Variants in NFIA observed in about 807,000 individuals in gnomAD.
NFIA encodes nuclear factor 1 A-type.
A neutral mutation model predicts 62.8 loss-of-function variants in NFIA; 8 were observed. The ratio of observed to expected loss-of-function variants is 0.13; its 90% CI spans 0.07 to 0.23. The LOEUF (loss-of-function observed/expected upper bound fraction) is 0.23, where lower values mean the gene tolerates loss of function less well. Ranked by LOEUF, NFIA falls within the 10% of genes least tolerant of loss-of-function variation. The pLI, the probability that NFIA is intolerant of heterozygous loss-of-function variation, is 1.00. For synonymous variants in NFIA, 235 were observed against 238.1 expected, an observed-to-expected ratio of 0.99 and a Z score of 0.12; for missense variants, 410 against 642.1, an observed-to-expected ratio of 0.64 and a Z score of 3.91.
chr1:61,079,044 C>T (rs1356526077), upstream of NFIA, among the ~76,000 whole-genome samples: 1 of 152,224 alleles, frequency 6.6e-6, no homozygotes, highest in African/African-American at 2.4e-5. Context: ...TCCCATCGAG[C>T]TATTTCCCAA....
intron 9 of NFIA, among the ~76,000 whole-genome samples, chr1:61,422,241 C>T (rs780524859): frequency 2.6e-5 from 4 of 152,120 alleles, no homozygotes; most frequent in Non-Finnish European, 2.9e-5. Flanking sequence ...CCAGCCTGGG[C>T]GACAGAGCCA....
intron 2 of NFIA, among the ~76,000 whole-genome samples, chr1:61,168,593 A>G (rs917568327): frequency 7.9e-5 from 12 of 152,226 alleles, no homozygotes; most frequent in African/African-American, 2.2e-4. Context: ...ATGAACACCA[A>G]CATATTCTTA....
intron 2 of NFIA, among the ~76,000 whole-genome samples, chr1:61,120,001 A>G (rs9436630): frequency 0.78 from 118,958 of 152,096 alleles, 47,303 homozygotes; most frequent in Middle Eastern, 0.87. Flanking sequence ...TTATGCCCAC[A>G]TCGCAAAGAA....
intron 10 of NFIA, among the ~76,000 whole-genome samples, chr1:61,436,604 C>G (rs1392043482): frequency 6.6e-6 from 1 of 152,166 alleles, no homozygotes; most frequent in Non-Finnish European, 1.5e-5. Context: ...TGAGATCCAT[C>G]GAAGATCTCA....
intron 7 of NFIA, among the ~76,000 whole-genome samples, chr1:61,389,548 G>A (rs1391337145): frequency 6.6e-6 from 1 of 151,678 alleles, no homozygotes. Context: ...CCAGAACCAA[G>A]ACCAGAAATC....
chr1:61,455,905 A>G lies in NFIA; in HGVS notation c.*585A>G, dbSNP rs1019245109. On this transcript the variant is annotated 3_prime_UTR_variant, in exon 11 of 11. Transcript: ENST00000403491. The stretch of plus-strand genomic sequence containing the variant: ...TTGTTCCTTTAGTTTGTTTTGGTTC[A>G]GCAGTCAGCAGTTAAGTATATAACA... 3 of 153,088 alleles carry G rather than the reference A, an allele frequency of 2.0e-5. No homozygotes were observed. The highest frequency in any genetic ancestry group is 7.2e-5 in the African/African-American group (3 of 41,482). 9.5% of individuals were successfully genotyped at this position (153,088 alleles called of 1,614,324 possible).
At chr1:61,407,499 A>T (rs1221155108) in intron 9 of NFIA, among the ~76,000 whole-genome samples, 4 of 152,266 alleles carry the variant, frequency 2.6e-5, no homozygotes, top group Admixed American at 2.6e-4. Flanking sequence ...GGATAGAAAT[A>T]GTTTGAATGC....
chr1:61,320,914 A>C (rs2100367686), intron 3 of NFIA, among the ~76,000 whole-genome samples: 1 of 152,254 alleles, frequency 6.6e-6, no homozygotes, highest in South Asian at 2.1e-4. Context: ...TTTTTTCCCT[A>C]GTATATGTAA....
intron 3 of NFIA, among the ~76,000 whole-genome samples, chr1:61,298,567 A>T (rs985027030): frequency 9.9e-5 from 15 of 152,146 alleles, no homozygotes; most frequent in Non-Finnish European, 1.9e-4. Flanking sequence ...AAATGCATTA[A>T]ATCAGGAACC....
At chr1:61,275,451 C>T (rs1316333830) in intron 2 of NFIA, among the ~76,000 whole-genome samples, 3 of 151,958 alleles carry the variant, frequency 2.0e-5, no homozygotes, top group Admixed American at 1.3e-4. Flanking sequence ...GGATAAATAT[C>T]GGAAAAGTAA....
chr1:61,161,542 G>A (rs1016648208), intron 2 of NFIA, among the ~76,000 whole-genome samples: 3 of 152,084 alleles, frequency 2.0e-5, no homozygotes, highest in African/African-American at 7.2e-5. Flanking sequence ...GAGATGGATA[G>A]TAGCTTGAGA....
intron 2 of NFIA, among the ~76,000 whole-genome samples, chr1:61,110,860 G>A (rs1646683433): frequency 6.6e-6 from 1 of 152,030 alleles, no homozygotes; most frequent in Admixed American, 6.6e-5. Flanking sequence ...GGATATTAGG[G>A]ATTGTCACTT....
At chr1:61,110,084 A>G (rs1413766391) in intron 2 of NFIA, among the ~76,000 whole-genome samples, 1 of 145,926 alleles carries the variant, frequency 6.9e-6, no homozygotes, top group Non-Finnish European at 1.5e-5. Context: ...GGATTCCATT[A>G]CATTCAGCAC....
intron 4 of NFIA, among the ~76,000 whole-genome samples, chr1:61,335,705 G>A (rs1661566761): frequency 6.6e-6 from 1 of 152,046 alleles, no homozygotes; most frequent in Non-Finnish European, 1.5e-5. Flanking sequence ...AGCCAGGTGT[G>A]GTGTCGGGCG....
chr1:61,364,493 T>C (rs1663478335), intron 6 of NFIA, among the ~76,000 whole-genome samples: 1 of 152,192 alleles, frequency 6.6e-6, no homozygotes, highest in Non-Finnish European at 1.5e-5. Flanking sequence ...TACTACACTT[T>C]CAATTTGTAG....
intron 4 of NFIA, among the ~76,000 whole-genome samples, chr1:61,333,088 C>CACACACAT: frequency 6.6e-6 from 1 of 151,880 alleles, no homozygotes; most frequent in Non-Finnish European, 1.5e-5. Flanking sequence ...CACACACACA[C>CACACACAT]ACATACACAG....
chr1:61,177,328 G>A (rs192355226), intron 2 of NFIA, among the ~76,000 whole-genome samples: 97 of 152,236 alleles, frequency 6.4e-4, no homozygotes, highest in African/African-American at 2.2e-3. Context: ...TTCAAAGATT[G>A]CTTTAAATGT....
chr1:61,420,723 C>T (rs909311880), intron 9 of NFIA, among the ~76,000 whole-genome samples: 3 of 151,980 alleles, frequency 2.0e-5, no homozygotes, highest in African/African-American at 4.8e-5. Context: ...TTTCTGAAAA[C>T]GAGGGAACAC....
chr1:61,358,379 C>CTTTCTTTTTTTTTTTTTTT (rs71582639), intron 5 of NFIA, among the ~76,000 whole-genome samples: 9 of 52,616 alleles, frequency 1.7e-4, no homozygotes, highest in East Asian at 6.4e-4. Flanking sequence ...TTCTTTCTTT[C>CTTTCTTTTTTTTTTTTTTT]TTTTTTTTTT....
Sources: allele counts gnomAD v4.1 joint callset (sites outside exome capture counted in the v4.1 genomes callset), GRCh38; gene constraint gnomAD v4.1.1; transcripts MANE v1.5; gene names NCBI Gene and HGNC (gene_info 2026-07-23, HGNC 2026-07-21).